Variants in MAML2 observed in about 807,000 individuals in gnomAD.
MAML2 encodes mastermind-like protein 2.
A neutral mutation model predicts 96.1 loss-of-function variants in MAML2; 22 were observed. The observed-to-expected ratio is 0.23, with a 90% CI of 0.16 to 0.33. MAML2 has a LOEUF of 0.33. MAML2 is among the 10% of genes least tolerant of loss of function. The probability of loss-of-function intolerance (pLI) is 1.00; values close to 1 mark genes in which losing one functional copy is unlikely to be tolerated. For synonymous variants in MAML2, 561 were observed against 521.3 expected (o/e 1.08, Z -1.04); for missense variants, 1,367 against 1,392.4 (o/e 0.98, Z 0.29).
At chr11:96,172,083 G>T (rs1329302340) in intron 1 of MAML2, among the ~76,000 whole-genome samples, 2 of 152,196 alleles carry the variant, frequency 1.3e-5, no homozygotes, top group African/African-American at 4.8e-5. Flanking sequence ...AGTATATTCT[G>T]ATAAATATGG....
intron 1 of MAML2, among the ~76,000 whole-genome samples, chr11:96,329,924 C>T (rs947895278): frequency 1.5e-4 from 23 of 152,216 alleles, no homozygotes; most frequent in Admixed American, 1.5e-3. Context: ...ACAAAGTCTT[C>T]TGTGACCTAG....
chr11:95,998,493 A>T (rs975140465), intron 2 of MAML2, among the ~76,000 whole-genome samples: 1 of 152,150 alleles, frequency 6.6e-6, no homozygotes, highest in East Asian at 1.9e-4. Context: ...TGCTAGAGAA[A>T]TGGAGATAAT....
chr11:96,077,251 C>A (rs980245558), intron 2 of MAML2, among the ~76,000 whole-genome samples: 1 of 120,990 alleles, frequency 8.3e-6, no homozygotes, highest in Admixed American at 9.5e-5. Context: ...AAGACAGTCT[C>A]GCTCTGTCAC....
At chr11:96,174,809 CA>C (rs1169817064) in intron 1 of MAML2, among the ~76,000 whole-genome samples, 1 of 152,264 alleles carries the variant, frequency 6.6e-6, no homozygotes, top group Non-Finnish European at 1.5e-5. Context: ...TGTTAACCTG[CA>C]ATAAATGCCT....
chr11:96,082,112 A>G (rs1476612413), intron 2 of MAML2, among the ~76,000 whole-genome samples: 3 of 152,144 alleles, frequency 2.0e-5, no homozygotes, highest in Admixed American at 1.3e-4. Context: ...ACAAAGATCA[A>G]TTACATACAG....
At chr11:96,209,087 A>T (rs1247774789) in intron 1 of MAML2, among the ~76,000 whole-genome samples, 1 of 152,082 alleles carries the variant, frequency 6.6e-6, no homozygotes, top group African/African-American at 2.4e-5. Flanking sequence ...ACCCCTAAGA[A>T]TTTGCATTTT....
intron 2 of MAML2, among the ~76,000 whole-genome samples, chr11:95,993,849 T>C (rs1394939697): frequency 6.6e-6 from 1 of 152,228 alleles, no homozygotes; most frequent in Non-Finnish European, 1.5e-5. Context: ...TGAGGCTTAT[T>C]ATCAGCCAGT....
intron 1 of MAML2, among the ~76,000 whole-genome samples, chr11:96,326,325 A>G (rs1863778395): frequency 6.6e-6 from 1 of 151,568 alleles, no homozygotes; most frequent in African/African-American, 2.4e-5. Flanking sequence ...AAATGGTTGT[A>G]GCACTGGAAC....
At position 96,299,060 on chromosome 11, in the gene MAML2, A is replaced by AATATATATATATATATATAT. The variant is rs1555037073; in HGVS notation, c.513+42303_513+42322dup. 8.1e-3 allele frequency among the ~76,000 whole-genome samples: 456 copies of AATATATATATATATATATAT among 56,146 alleles called. 3 individuals are homozygous for AATATATATATATATATATAT. Among genetic ancestry groups the AATATATATATATATATATAT allele is most frequent in the Non-Finnish European group, 0.01 (333 of 32,992 alleles). 36.8% of individuals were successfully genotyped at this position (56,146 alleles called of 152,430 possible). ...AGTCCATCTCAAAAAAAAAAAAAAAAATATATATATATATATATATAAAAT... is the reference window on the plus strand; with the variant it reads ...AGTCCATCTCAAAAAAAAAAAAAAAAATATATATATATATATATATATATATATATATATATATATAAAAT... On this transcript the variant is annotated intron_variant, in intron 1 of 4. Coordinates refer to ENST00000524717, the MANE Select transcript of MAML2 (RefSeq NM_032427.4).
At chr11:96,032,423 A>G (rs972715545) in intron 2 of MAML2, among the ~76,000 whole-genome samples, 4 of 151,994 alleles carry the variant, frequency 2.6e-5, no homozygotes, top group African/African-American at 9.7e-5. Context: ...ACCCATCTCT[A>G]CAAAAATACA....
At chr11:96,246,066 G>T (rs1242103434) in intron 1 of MAML2, among the ~76,000 whole-genome samples, 1 of 151,760 alleles carries the variant, frequency 6.6e-6, no homozygotes, top group East Asian at 1.9e-4. Flanking sequence ...TAGGTACTAT[G>T]CTAGGCACTG....
At chr11:96,077,182 A>C (rs1308994212) in intron 2 of MAML2, among the ~76,000 whole-genome samples, 1 of 138,106 alleles carries the variant, frequency 7.2e-6, no homozygotes, top group Admixed American at 7.2e-5. Context: ...CTCCCTTGGG[A>C]TCTCTCTTTC....
At chr11:96,330,886 G>GA (rs1280080401) in intron 1 of MAML2, among the ~76,000 whole-genome samples, 3 of 152,124 alleles carry the variant, frequency 2.0e-5, no homozygotes, top group Admixed American at 2.0e-4. Flanking sequence ...ATTCAAGGGG[G>GA]AAAAAAGCAT....
intron 1 of MAML2, among the ~76,000 whole-genome samples, chr11:96,095,325 A>G (rs1859807540): frequency 6.6e-6 from 1 of 152,190 alleles, no homozygotes; most frequent in South Asian, 2.1e-4. Context: ...CTGGCTCATC[A>G]ATATTTGTTT....
chr11:96,222,048 G>A (rs528098), intron 1 of MAML2, among the ~76,000 whole-genome samples: 24,984 of 152,010 alleles, frequency 0.16, 2,184 homozygotes, highest in East Asian at 0.26. Context: ...AGTGGAATCT[G>A]GTGATTTTAT....
Position 96,093,482 on chromosome 11 carries a change from G to T in MAML2, c.549C>A (p.Asn183Lys). ...GTCGCTTGCTGTTGGCAGGAGATAG[G>T]TTAACTACCTGTTTTCTTTTCAAGG... ...QGSLKRKQVV[N>K]LSPANSKRPN... Residue 183 changes from asparagine (N) to lysine (K), a missense_variant, in exon 2 of 5, where the codon AAC becomes AAA. Transcript: ENST00000524717. 6.2e-7 allele frequency: 1 copy of T among 1,610,622 alleles called. No homozygotes were observed. Among genetic ancestry groups the T allele is most frequent in the East Asian group, 2.2e-5 (1 of 44,858 alleles).
chr11:96,002,262 A>G (rs1029468163), intron 2 of MAML2, among the ~76,000 whole-genome samples: 6 of 152,198 alleles, frequency 3.9e-5, no homozygotes, highest in African/African-American at 1.4e-4. Context: ...AAATATATGA[A>G]TGATTGAAGA....
At chr11:95,993,072 G>A (rs1263673626) in intron 2 of MAML2, among the ~76,000 whole-genome samples, 1 of 150,124 alleles carries the variant, frequency 6.7e-6, no homozygotes, top group African/African-American at 2.4e-5. Context: ...AGACAGGGTG[G>A]CTAATTTTTA....
intron 1 of MAML2, among the ~76,000 whole-genome samples, chr11:96,172,039 G>T (rs1861305560): frequency 6.6e-6 from 1 of 152,174 alleles, no homozygotes; most frequent in African/African-American, 2.4e-5. Flanking sequence ...GCGACACTTG[G>T]GCAAAGCCCT....
Sources: allele counts gnomAD v4.1 joint callset (sites outside exome capture counted in the v4.1 genomes callset), GRCh38; gene constraint gnomAD v4.1.1; transcripts MANE v1.5; gene names NCBI Gene and HGNC (gene_info 2026-07-23, HGNC 2026-07-21).